The following IGLL5 variants were observed in gnomAD, a reference collection of about 807,000 sequenced individuals.
The protein encoded by IGLL5 is immunoglobulin lambda like polypeptide 5, also known as immunoglobulin lambda-like polypeptide 5.
Under a neutral mutation model 20.9 loss-of-function variants are expected in IGLL5, and 30 were observed. That is an observed-to-expected ratio of 1.44 (90% CI 1.07 to 1.95). The LOEUF (loss-of-function observed/expected upper bound fraction) is 1.95, where lower values mean the gene tolerates loss of function less well. IGLL5 is among the 30% of genes most tolerant of loss of function. The pLI is 0.00. For synonymous variants in IGLL5, 203 were observed against 117.3 expected, an observed-to-expected ratio of 1.73 and a Z score of -4.72; for missense variants, 475 against 270.7, an observed-to-expected ratio of 1.75 and a Z score of -5.30.
At chr22:22,889,625 T>C (rs188560729) in intron 1 of IGLL5, among the ~76,000 whole-genome samples, 2 of 151,310 alleles carry the variant, frequency 1.3e-5, no homozygotes, top group South Asian at 2.1e-4. Context: ...TCTTGATCTG[T>C]TGCTCAGGCT....
intron 2 of IGLL5, 103 bp downstream of exon 2, chr22:22,893,921 A>G (rs1306244549): frequency 2.2e-5 from 18 of 836,578 alleles, no homozygotes; most frequent in Middle Eastern, 2.2e-4. Flanking sequence ...TCCCAGCCTT[A>G]AGCACTGACC....
chr22:22,888,578 A>T lies in IGLL5; in HGVS notation c.206+319A>T, dbSNP rs2067617768. ...GAAGGAACAGAGGCAGGGACAGGAC[A>T]TCCACAGGGGGTGGTGGCCACTGTC... is the stretch of plus-strand genomic sequence containing the variant. On this transcript the variant is annotated intron_variant, in intron 1 of 2. Transcript: ENST00000526893. Among the ~76,000 whole-genome samples the T allele has an allele frequency of 3.3e-5, 5 of 151,276 alleles. 1 individual carries two copies. Among genetic ancestry groups the T allele is most frequent in the East Asian group, 4.1e-4 (2 of 4,920 alleles).
At chr22:22,889,305 A>C (rs2067705931) in intron 1 of IGLL5, among the ~76,000 whole-genome samples, 2 of 150,990 alleles carry the variant, frequency 1.3e-5, no homozygotes, top group Admixed American at 1.3e-4. Context: ...GTGAGGGCTG[A>C]GCAGAGGGGA....
chr22:22,894,267 G>T (rs2146037322), intron 2 of IGLL5, among the ~76,000 whole-genome samples: 1 of 151,072 alleles, frequency 6.6e-6, no homozygotes, highest in East Asian at 2.0e-4. Flanking sequence ...AGGACTGGAT[G>T]CCAATCCAGC....
At chr22:22,894,714 A>G (rs530864915) in intron 2 of IGLL5, among the ~76,000 whole-genome samples, 4 of 151,396 alleles carry the variant, frequency 2.6e-5, no homozygotes, top group East Asian at 2.0e-4. Context: ...CTGTGGGAGC[A>G]GCCCCAGGAA....
chr22:22,890,006 G>C (rs541261025), intron 1 of IGLL5, among the ~76,000 whole-genome samples: 1 of 151,018 alleles, frequency 6.6e-6, no homozygotes, highest in African/African-American at 2.4e-5. Context: ...TTTTAATGTG[G>C]CTTTATAATT....
At chr22:22,894,385 G>C (rs142562054) in intron 2 of IGLL5, among the ~76,000 whole-genome samples, 1 of 151,476 alleles carries the variant, frequency 6.6e-6, no homozygotes, top group East Asian at 2.0e-4. Context: ...GCCTGTGCTG[G>C]GTCATGAGGA....
At chr22:22,889,110 GA>G (rs2067687307) in intron 1 of IGLL5, among the ~76,000 whole-genome samples, 2 of 151,174 alleles carry the variant, frequency 1.3e-5, no homozygotes, top group Admixed American at 6.6e-5. Flanking sequence ...TGTGTTTTTG[GA>G]AAAATCAGCA....
intron 1 of IGLL5, 28 bp downstream of exon 1, chr22:22,888,287 T>TG (rs961619109): frequency 2.6e-6 from 4 of 1,541,188 alleles, no homozygotes; most frequent in African/African-American, 1.4e-5. Context: ...CCAGGGGATG[T>TG]GGGGGTCCTG....
In IGLL5 at chr22:22,894,098, G is replaced by T. The variant is rs559398380; in HGVS notation, c.325+280G>T. 2.0e-5 allele frequency among the ~76,000 whole-genome samples: 3 copies of T among 151,464 alleles called. 1 individual carries two copies. Among genetic ancestry groups the T allele is most frequent in the Admixed American group, 6.6e-5 (1 of 15,124 alleles). On this transcript the variant is annotated intron_variant, in intron 2 of 2. Transcript: ENST00000526893. Reference sequence around the variant, plus strand: ...CTTCCAGGGCAGATGTCTGAGTGAGGGACAGAGGCTGGTTCTGATGAGGGG... The same window carrying T: ...CTTCCAGGGCAGATGTCTGAGTGAGTGACAGAGGCTGGTTCTGATGAGGGG...
At chr22:22,888,491 C>T (rs1001448620) in intron 1 of IGLL5, among the ~76,000 whole-genome samples, 1 of 151,260 alleles carries the variant, frequency 6.6e-6, no homozygotes, top group Non-Finnish European at 1.5e-5. Flanking sequence ...AGTTTTCTGG[C>T]GCCACTTAAA....
rs150043069 is a variant in IGLL5 at position 22,888,305 on chromosome 22, G to A, written c.206+46G>A. On this transcript the variant is annotated intron_variant, in intron 1 of 2. Coordinates refer to ENST00000526893, the MANE Select transcript of IGLL5 (RefSeq NM_001178126.2). ...GGGGATGTGGGGGTCCTGCAGCAGA[G>A]CTGGGAAAGGGTGACCAAGGGGAGA... The A allele has an allele frequency of 4.1e-5, 63 of 1,528,402 alleles. 1 individual carries two copies. The highest frequency in any genetic ancestry group is 2.3e-4 in the Middle Eastern group (1 of 4,310). The allele number at this position is 1,528,402 out of a possible 1,614,324, so 94.7% of individuals were successfully genotyped here. A position where few individuals can be genotyped will look rare whatever the true frequency, so the allele number is the denominator to read the frequency against.
intron 1 of IGLL5, among the ~76,000 whole-genome samples, chr22:22,888,734 T>A (rs190414698): frequency 1.3e-5 from 2 of 151,368 alleles, no homozygotes; most frequent in East Asian, 2.0e-4. Context: ...AGGCTGTCTG[T>A]TCACCAACTT....
intron 2 of IGLL5, among the ~76,000 whole-genome samples, chr22:22,894,229 C>G (rs551921816): frequency 4.6e-5 from 7 of 151,104 alleles, no homozygotes; most frequent in South Asian, 4.2e-4. Flanking sequence ...AGGGGAGCAG[C>G]CCCAAGAACA....
chr22:22,895,598 G>T lies in IGLL5; in HGVS notation c.549G>T (p.Thr183=). The T allele has an allele frequency of 1.6e-5, 26 of 1,613,276 alleles. No individual in the cohort carries two copies. The highest frequency in any genetic ancestry group is 2.1e-5 in the Non-Finnish European group (25 of 1,179,772). ...KYAASSYLSL[T]PEQWKSHRSY... is the part of the protein sequence containing the mutation. Reference sequence around the variant, plus strand: ...CGGCCAGCAGCTACCTGAGCCTGACGCCCGAGCAGTGGAAGTCCCACAGAA... The same window carrying T: ...CGGCCAGCAGCTACCTGAGCCTGACTCCCGAGCAGTGGAAGTCCCACAGAA... Residue 183 remains threonine (T), a synonymous_variant, in exon 3 of 3, where the codon ACG becomes ACT. Coordinates refer to ENST00000526893, the MANE Select transcript of IGLL5 (RefSeq NM_001178126.2).
In IGLL5 at chr22:22,887,963, A is replaced by G. The variant is rs2067555306; in HGVS notation, c.-91A>G. ...AGCCAATGGACTGGGGTGTACTGTA[A>G]CAGCCCTGCTGGCGAGAGGGACCAG... On this transcript the variant is annotated 5_prime_UTR_variant, in exon 1 of 3. It removes the in-frame stop codon of an upstream open reading frame in the 5' UTR. Coordinates refer to ENST00000526893, the MANE Select transcript of IGLL5 (RefSeq NM_001178126.2). 2 of 1,028,328 alleles carry G rather than the reference A, an allele frequency of 1.9e-6. No individual in the cohort carries two copies. The highest frequency in any genetic ancestry group is 4.0e-5 in the Admixed American group (2 of 50,148). The allele number at this position is 1,028,328 out of a possible 1,614,324, so 63.7% of individuals were successfully genotyped here. A position where few individuals can be genotyped will look rare whatever the true frequency, so the allele number is the denominator to read the frequency against.
At chr22:22,895,302 A>G in intron 2 of IGLL5, 73 bp from the exon 3 acceptor site, 1 of 1,399,444 alleles carries the variant, frequency 7.1e-7, no homozygotes. Context: ...CAGAGACTTT[A>G]GACAGAGAGA....
chr22:22,891,012 T>A, intron 1 of IGLL5, among the ~76,000 whole-genome samples: 1 of 151,292 alleles, frequency 6.6e-6, no homozygotes, highest in East Asian at 2.0e-4. Context: ...TTGTTTAGTG[T>A]ATGTATTGTA....
At chr22:22,888,854 A>C (rs139696703) in intron 1 of IGLL5, among the ~76,000 whole-genome samples, 5 of 151,286 alleles carry the variant, frequency 3.3e-5, no homozygotes, top group East Asian at 4.1e-4. Context: ...TTGGAGCAAT[A>C]AAGGGAGAGG....
Sources: gnomAD v4.1 joint callset for allele counts (sites outside exome capture counted in the v4.1 genomes callset) on GRCh38, gnomAD v4.1.1 for gene constraint, MANE v1.5 for transcripts, NCBI Gene and HGNC (gene_info 2026-07-23, HGNC 2026-07-21) for gene names.